Variants in MED12L observed in about 807,000 individuals in gnomAD.
MED12L encodes mediator of RNA polymerase II transcription subunit 12-like protein.
Under a neutral mutation model 281.3 loss-of-function variants are expected in MED12L, and 60 were observed. The observed-to-expected ratio is 0.21, with a 90% CI of 0.17 to 0.26. MED12L has a LOEUF of 0.26. Among genes scored for constraint, MED12L ranks in the 10% least tolerant of loss-of-function variants. The probability of loss-of-function intolerance (pLI) is 1.00; values close to 1 mark genes in which losing one functional copy is unlikely to be tolerated. For synonymous variants in MED12L, 974 were observed against 987.2 expected (o/e 0.99, Z 0.25); for missense variants, 2,146 against 2,680.9 (o/e 0.80, Z 4.41).
chr3:151,318,652 A>G (rs1231536800), intron 16 of MED12L, among the ~76,000 whole-genome samples: 1 of 152,148 alleles, frequency 6.6e-6, no homozygotes, highest in African/African-American at 2.4e-5. Context: ...CCAAATTTCC[A>G]GTGATGTGTA....
At chr3:151,303,081 G>C (rs1560004296) in intron 16 of MED12L, among the ~76,000 whole-genome samples, 2 of 152,150 alleles carry the variant, frequency 1.3e-5, no homozygotes, top group Non-Finnish European at 2.9e-5. Context: ...AGGTATAATA[G>C]TCTACTGAGG....
chr3:151,215,212 A>G (rs1727962617), intron 16 of MED12L, among the ~76,000 whole-genome samples: 2 of 152,180 alleles, frequency 1.3e-5, no homozygotes, highest in Admixed American at 1.3e-4. Context: ...ATTCTGAGAA[A>G]TGCTTCCCAA....
At chr3:151,402,463 G>A (rs1263280899) in intron 39 of MED12L, among the ~76,000 whole-genome samples, 1 of 152,156 alleles carries the variant, frequency 6.6e-6, no homozygotes, top group African/African-American at 2.4e-5. Context: ...GATTTACTGG[G>A]GATGGGGCTA....
At chr3:151,376,665 C>T in intron 28 of MED12L, 135 bp from the exon 29 acceptor site, 1 of 716,018 alleles carries the variant, frequency 1.4e-6, no homozygotes, top group Non-Finnish European at 2.3e-6. Flanking sequence ...AGATTGGGAA[C>T]CTTTTGACTC....
chr3:151,337,648 G>T, intron 16 of MED12L: 2 of 671,040 alleles, frequency 3.0e-6, no homozygotes, highest in Non-Finnish European at 4.9e-6. Flanking sequence ...TTTTAAGATA[G>T]CTTTTCATAC....
rs565044111 is a variant in MED12L at position 151,197,479 on chromosome 3, C to T, written c.2250+3813C>T. Among the ~76,000 whole-genome samples, 16 of 152,232 alleles carry T rather than the reference C, an allele frequency of 1.1e-4. No individual in the cohort carries two copies. In the East Asian group the frequency reaches 2.5e-3, roughly 24 times the overall value. ...ACCTATACTTTAAACTGGGGCCCTA[C>T]GTGGAGTCAGGCTCATCTTTCTGGA... On this transcript the variant is annotated intron_variant, in intron 16 of 44. Coordinates refer to ENST00000687756, the MANE Select transcript of MED12L (RefSeq NM_001393769.1).
At chr3:151,313,097 C>G (rs1420906092) in intron 16 of MED12L, among the ~76,000 whole-genome samples, 1 of 152,108 alleles carries the variant, frequency 6.6e-6, no homozygotes, top group Admixed American at 6.5e-5. Flanking sequence ...TAGAGCTTGC[C>G]CTCATTAACA....
chr3:151,187,544 A>T (rs1444699806), intron 12 of MED12L, among the ~76,000 whole-genome samples: 1 of 152,230 alleles, frequency 6.6e-6, no homozygotes, highest in Non-Finnish European at 1.5e-5. Flanking sequence ...TAACATAATT[A>T]GTATCTTGAT....
At chr3:151,402,237 T>C (rs1227633135) in intron 39 of MED12L, among the ~76,000 whole-genome samples, 1 of 152,240 alleles carries the variant, frequency 6.6e-6, no homozygotes, top group Admixed American at 6.5e-5. Flanking sequence ...GGGAAATTTT[T>C]AACATCTCAG....
intron 16 of MED12L, among the ~76,000 whole-genome samples, chr3:151,225,633 G>A (rs924817556): frequency 3.9e-5 from 6 of 152,062 alleles, no homozygotes; most frequent in African/African-American, 1.4e-4. Context: ...AGATCCTATC[G>A]GTAGCTGTCT....
At chr3:151,381,631 G>C (rs1312423435) in intron 32 of MED12L, among the ~76,000 whole-genome samples, 1 of 152,166 alleles carries the variant, frequency 6.6e-6, no homozygotes, top group Non-Finnish European at 1.5e-5. Flanking sequence ...ACCTCCTTCG[G>C]GAGGCCTTTG....
At chr3:151,247,531 A>C (rs1184582133) in intron 16 of MED12L, among the ~76,000 whole-genome samples, 1 of 149,594 alleles carries the variant, frequency 6.7e-6, no homozygotes, top group Non-Finnish European at 1.5e-5. Flanking sequence ...CAAACACTGC[A>C]TATTCTCACT....
intron 20 of MED12L, among the ~76,000 whole-genome samples, chr3:151,358,159 T>C (rs1220496089): frequency 6.6e-6 from 1 of 152,182 alleles, no homozygotes; most frequent in Non-Finnish European, 1.5e-5. Flanking sequence ...TATCCTAGAA[T>C]GATATCAATT....
intron 16 of MED12L, among the ~76,000 whole-genome samples, chr3:151,229,049 A>C (rs1180221470): frequency 2.0e-5 from 3 of 152,226 alleles, no homozygotes; most frequent in Non-Finnish European, 4.4e-5. Flanking sequence ...GTGAGAAAAC[A>C]ACAGCTTTAA....
chr3:151,241,202 T>G (rs1009167708), intron 16 of MED12L, among the ~76,000 whole-genome samples: 11 of 152,240 alleles, frequency 7.2e-5, no homozygotes, highest in African/African-American at 2.7e-4. Flanking sequence ...TTTGAGACTA[T>G]ATCTCTTTAG....
chr3:151,195,237 A>G (rs2149116289), intron 16 of MED12L, among the ~76,000 whole-genome samples: 1 of 152,326 alleles, frequency 6.6e-6, no homozygotes, highest in East Asian at 1.9e-4. Flanking sequence ...CAGCAAAACA[A>G]AGTATTCTGT....
intron 16 of MED12L, among the ~76,000 whole-genome samples, chr3:151,324,378 G>A (rs957277580): frequency 2.6e-5 from 4 of 152,116 alleles, no homozygotes; most frequent in African/African-American, 9.7e-5. Flanking sequence ...ACACAGAAAC[G>A]TATCGTTTTT....
intron 16 of MED12L, among the ~76,000 whole-genome samples, chr3:151,284,159 T>C (rs1052898887): frequency 7.2e-5 from 11 of 152,162 alleles, no homozygotes; most frequent in Non-Finnish European, 1.5e-4. Flanking sequence ...TGCCACGATG[T>C]GTGGGAGGAG....
chr3:151,327,079 C>CTT (rs1362660762), intron 16 of MED12L: 1 of 152,204 alleles, frequency 6.6e-6, no homozygotes, highest in Non-Finnish European at 1.5e-5. Flanking sequence ...TCTGGCATGT[C>CTT]TGTCTCTCAA....
Sources: gnomAD v4.1 joint callset for allele counts (sites outside exome capture counted in the v4.1 genomes callset) on GRCh38, gnomAD v4.1.1 for gene constraint, MANE v1.5 for transcripts, NCBI Gene and HGNC (gene_info 2026-07-23, HGNC 2026-07-21) for gene names.